CDKAL1: variants seen among roughly 807,000 people sequenced by gnomAD.
CDKAL1 encodes the protein threonylcarbamoyladenosine tRNA methylthiotransferase.
CDKAL1 carries 32 observed loss-of-function variants against 68.2 expected under a neutral mutation model. The ratio of observed to expected loss-of-function variants is 0.47; its 90% CI spans 0.35 to 0.63. The LOEUF (loss-of-function observed/expected upper bound fraction) is 0.63, where lower values mean the gene tolerates loss of function less well. Among genes scored for constraint, CDKAL1 ranks in the 30% least tolerant of loss-of-function variants. CDKAL1 has a pLI of 0.00. For synonymous variants in CDKAL1, 234 were observed against 244.3 expected, an observed-to-expected ratio of 0.96 and a Z score of 0.39; for missense variants, 606 against 696.7, an observed-to-expected ratio of 0.87 and a Z score of 1.47.
At chr6:20,749,629 G>T (rs972189061) in intron 6 of CDKAL1, among the ~76,000 whole-genome samples, 1 of 151,294 alleles carries the variant, frequency 6.6e-6, no homozygotes, top group African/African-American at 2.4e-5. Flanking sequence ...CTCACTGCAA[G>T]CTCCGCCTCC....
intron 8 of CDKAL1, among the ~76,000 whole-genome samples, chr6:20,827,622 A>G (rs936340758): frequency 5.3e-5 from 8 of 152,170 alleles, no homozygotes; most frequent in African/African-American, 1.2e-4. Flanking sequence ...AAAAAGGTCT[A>G]TGGAGTTGCA....
intron 7 of CDKAL1, among the ~76,000 whole-genome samples, chr6:20,766,822 A>G (rs1310325870): frequency 6.6e-6 from 1 of 152,164 alleles, no homozygotes; most frequent in Non-Finnish European, 1.5e-5. Context: ...TTCTTAATAA[A>G]TAAATAAAGC....
At chr6:21,002,787 A>C (rs181860282) in intron 11 of CDKAL1, among the ~76,000 whole-genome samples, 2 of 152,044 alleles carry the variant, frequency 1.3e-5, no homozygotes, top group African/African-American at 2.4e-5. Flanking sequence ...CAGGAGTTCA[A>C]GATCAGTTTG....
intron 9 of CDKAL1, among the ~76,000 whole-genome samples, chr6:20,935,614 G>T (rs1299606922): frequency 6.6e-6 from 1 of 152,070 alleles, no homozygotes; most frequent in Non-Finnish European, 1.5e-5. Context: ...ACTTTTAGTA[G>T]AGACAGGGTT....
At chr6:20,673,480 G>C (rs1562015263) in intron 5 of CDKAL1, among the ~76,000 whole-genome samples, 1 of 152,194 alleles carries the variant, frequency 6.6e-6, no homozygotes, top group Non-Finnish European at 1.5e-5. Flanking sequence ...TACATGTTTA[G>C]TACGGACACA....
At chr6:20,788,837 A>G (rs1419825906) in intron 8 of CDKAL1, among the ~76,000 whole-genome samples, 3 of 152,116 alleles carry the variant, frequency 2.0e-5, no homozygotes, top group East Asian at 1.9e-4. Flanking sequence ...TGGTTCTTCA[A>G]TTTCCTATTT....
chr6:20,627,866 C>T (rs180985815), intron 4 of CDKAL1, among the ~76,000 whole-genome samples: 35 of 152,196 alleles, frequency 2.3e-4, no homozygotes, highest in Admixed American at 2.0e-3. Context: ...ATTGGAATGG[C>T]ATTTGCCTTT....
intron 8 of CDKAL1, among the ~76,000 whole-genome samples, chr6:20,836,825 A>G (rs534566172): frequency 6.6e-6 from 1 of 152,262 alleles, no homozygotes; most frequent in East Asian, 1.9e-4. Context: ...TGTAATGTGT[A>G]TGTAGGAGAA....
intron 5 of CDKAL1, among the ~76,000 whole-genome samples, chr6:20,657,862 T>G (rs549303281): frequency 3.3e-5 from 5 of 152,124 alleles, no homozygotes; most frequent in Non-Finnish European, 5.9e-5. Context: ...CCTTACTAAT[T>G]TAGAAAGAAT....
chr6:20,909,185 ATGTGTGTGTGTG>A (rs57042223), intron 9 of CDKAL1, among the ~76,000 whole-genome samples: 6 of 119,208 alleles, frequency 5.0e-5, no homozygotes, highest in East Asian at 2.3e-4. Flanking sequence ...GTGTGCATGT[ATGTGTGTGTGTG>A]TGTGTGTGTG....
chr6:20,835,785 A>G (rs1304060077), intron 8 of CDKAL1, among the ~76,000 whole-genome samples: 2 of 152,054 alleles, frequency 1.3e-5, no homozygotes, highest in African/African-American at 4.8e-5. Context: ...GCTGACCTCA[A>G]GTGATCCACC....
At chr6:20,892,701 T>G (rs1230453131) in intron 9 of CDKAL1, among the ~76,000 whole-genome samples, 2 of 152,194 alleles carry the variant, frequency 1.3e-5, no homozygotes, top group East Asian at 3.8e-4. Context: ...ACTTTAAAAT[T>G]GATTCTAAGG....
intron 13 of CDKAL1, among the ~76,000 whole-genome samples, chr6:21,166,518 C>A (rs1474119371): frequency 6.6e-6 from 1 of 152,100 alleles, no homozygotes; most frequent in Non-Finnish European, 1.5e-5. Flanking sequence ...ACAGCTTCTC[C>A]TGCAGCAGCT....
At chr6:20,730,652 C>T (rs1244163098) in intron 5 of CDKAL1, among the ~76,000 whole-genome samples, 1 of 151,838 alleles carries the variant, frequency 6.6e-6, no homozygotes, top group Non-Finnish European at 1.5e-5. Flanking sequence ...TGAGACCAGC[C>T]TGGCCAACAT....
At chr6:20,985,950 CTATT>C (rs1367850024) in intron 10 of CDKAL1, among the ~76,000 whole-genome samples, 2 of 151,738 alleles carry the variant, frequency 1.3e-5, no homozygotes, top group Non-Finnish European at 2.9e-5. Flanking sequence ...CTTTTTGTAT[CTATT>C]TATTTTTTCC....
intron 8 of CDKAL1, among the ~76,000 whole-genome samples, chr6:20,791,112 C>G (rs1035616901): frequency 2.0e-5 from 3 of 152,116 alleles, no homozygotes; most frequent in Admixed American, 2.0e-4. Context: ...CACTGGGGAC[C>G]CGACACCCTC....
chr6:21,127,203 G>A (rs1047127436), intron 13 of CDKAL1, among the ~76,000 whole-genome samples: 5 of 152,206 alleles, frequency 3.3e-5, no homozygotes, highest in Non-Finnish European at 7.3e-5. Context: ...GGATGTGAAG[G>A]ATGAAGCAGT....
chr6:21,192,363 GATGAA>G (rs1352448867), intron 13 of CDKAL1, among the ~76,000 whole-genome samples: 1 of 152,130 alleles, frequency 6.6e-6, no homozygotes, highest in Non-Finnish European at 1.5e-5. Flanking sequence ...ACGTTAAAAT[GATGAA>G]ATGAAGTTCT....
intron 13 of CDKAL1, among the ~76,000 whole-genome samples, chr6:21,133,221 G>A (rs1464686158): frequency 1.3e-5 from 2 of 152,226 alleles, no homozygotes; most frequent in Non-Finnish European, 2.9e-5. Context: ...TTGTTACTAT[G>A]TGGCACTGTC....
Sources: gnomAD v4.1 joint callset for allele counts (sites outside exome capture counted in the v4.1 genomes callset) on GRCh38, gnomAD v4.1.1 for gene constraint, MANE v1.5 for transcripts, NCBI Gene and HGNC (gene_info 2026-07-23, HGNC 2026-07-21) for gene names.